MED27: variants seen among roughly 807,000 people sequenced by gnomAD.
MED27 encodes the protein mediator of RNA polymerase II transcription subunit 27.
A neutral mutation model predicts 38.2 loss-of-function variants in MED27; 30 were observed. The ratio of observed to expected loss-of-function variants is 0.79; its 90% CI spans 0.59 to 1.07. The LOEUF (loss-of-function observed/expected upper bound fraction) is 1.07. Ranked by LOEUF, MED27 falls within the 50% of genes least tolerant of loss-of-function variation. The pLI, the probability that MED27 is intolerant of heterozygous loss-of-function variation, is 0.00. For missense variants in MED27, 289 were observed against 397.5 expected (o/e 0.73, Z 2.32); for synonymous variants, 122 against 153.5 (o/e 0.79, Z 1.52).
At chr9:131,863,244 C>T (rs779742238) in intron 6 of MED27, 104 bp from the exon 7 acceptor site, 10 of 886,814 alleles carry the variant, frequency 1.1e-5, no homozygotes, top group Admixed American at 2.2e-5. Context: ...ATCTGAGTAT[C>T]TCGTGGAGGA....
intron 2 of MED27, among the ~76,000 whole-genome samples, chr9:132,054,189 C>T (rs371226825): frequency 1.8e-4 from 28 of 152,082 alleles, no homozygotes; most frequent in East Asian, 1.4e-3. Context: ...TTTGGGTGAG[C>T]GGGGCGGATC....
At chr9:132,062,487 G>C (rs189167191) in intron 2 of MED27, among the ~76,000 whole-genome samples, 97 of 152,384 alleles carry the variant, frequency 6.4e-4, no homozygotes, top group Non-Finnish European at 4.4e-5. Flanking sequence ...GGGCCAGCAG[G>C]TTGAGTATGG....
intron 3 of MED27, among the ~76,000 whole-genome samples, chr9:131,953,449 C>T (rs1290970227): frequency 6.6e-6 from 1 of 152,152 alleles, no homozygotes; most frequent in Non-Finnish European, 1.5e-5. Flanking sequence ...TATGGATGAA[C>T]ATTTTTCATT....
intron 3 of MED27, among the ~76,000 whole-genome samples, chr9:131,994,210 G>C (rs754676761): frequency 5.3e-5 from 8 of 152,058 alleles, no homozygotes; most frequent in Non-Finnish European, 8.8e-5. Context: ...ACATTGTTTT[G>C]CTTCAAGTCG....
intron 2 of MED27, among the ~76,000 whole-genome samples, chr9:132,039,114 C>G (rs1321148637): frequency 1.3e-5 from 2 of 152,212 alleles, no homozygotes; most frequent in Non-Finnish European, 2.9e-5. Flanking sequence ...ACCAAAATGA[C>G]TCCCAATGGA....
At chr9:132,012,031 T>C (rs1832497251) in intron 3 of MED27, among the ~76,000 whole-genome samples, 1 of 152,076 alleles carries the variant, frequency 6.6e-6, no homozygotes, top group African/African-American at 2.4e-5. Flanking sequence ...CACAATAGCA[T>C]GTCACCTGTA....
chr9:131,967,802 T>G (rs892573924), intron 3 of MED27, among the ~76,000 whole-genome samples: 1 of 149,044 alleles, frequency 6.7e-6, no homozygotes, highest in Non-Finnish European at 1.5e-5. Context: ...TGAGCCACTG[T>G]GCCCAGCCTC....
chr9:131,868,467 G>A, intron 6 of MED27: 1 of 585,610 alleles, frequency 1.7e-6, no homozygotes, highest in Non-Finnish European at 2.2e-6. Context: ...TGTAGAATCA[G>A]GGTCTCACTG....
intron 2 of MED27, among the ~76,000 whole-genome samples, chr9:132,050,811 C>T (rs1833448816): frequency 6.6e-6 from 1 of 152,182 alleles, no homozygotes; most frequent in African/African-American, 2.4e-5. Flanking sequence ...TCACTACCTG[C>T]CATTGCTTTT....
chr9:131,909,362 A>G (rs916216063), intron 4 of MED27, among the ~76,000 whole-genome samples: 1 of 152,200 alleles, frequency 6.6e-6, no homozygotes, highest in African/African-American at 2.4e-5. Context: ...AGGTAGCCTG[A>G]GTGAATCTCA....
At chr9:131,894,980 C>G (rs923084375) in intron 4 of MED27, among the ~76,000 whole-genome samples, 1 of 152,142 alleles carries the variant, frequency 6.6e-6, no homozygotes, top group Non-Finnish European at 1.5e-5. Flanking sequence ...GGCCTTCACA[C>G]GTGTCTGCCT....
At chr9:132,071,794 C>T (rs916046259) in intron 2 of MED27, among the ~76,000 whole-genome samples, 2 of 150,888 alleles carry the variant, frequency 1.3e-5, no homozygotes, top group Non-Finnish European at 3.0e-5. Context: ...AACGAGCACA[C>T]ATGCATACGA....
At chr9:132,038,293 G>A (rs1056136079) in intron 2 of MED27, among the ~76,000 whole-genome samples, 2 of 145,204 alleles carry the variant, frequency 1.4e-5, no homozygotes, top group South Asian at 2.2e-4. Flanking sequence ...CCGGGTTCAC[G>A]CCATTCTCCT....
At chr9:131,916,559 C>CTGTGT (rs1228284966) in intron 4 of MED27, among the ~76,000 whole-genome samples, 5 of 152,326 alleles carry the variant, frequency 3.3e-5, no homozygotes, top group African/African-American at 1.2e-4. Context: ...ATCAATACCA[C>CTGTGT]TGTTCTTCGA....
chr9:132,069,260 G>A (rs1833879904), intron 2 of MED27, among the ~76,000 whole-genome samples: 1 of 151,670 alleles, frequency 6.6e-6, no homozygotes, highest in Admixed American at 6.5e-5. Flanking sequence ...AGCCTCTGCA[G>A]CCTCCCTGGG....
At chr9:132,025,425 G>GC (rs1832797923) in intron 2 of MED27, among the ~76,000 whole-genome samples, 1 of 152,172 alleles carries the variant, frequency 6.6e-6, no homozygotes, top group Admixed American at 6.5e-5. Context: ...CAGGTGATCT[G>GC]CCCGCCTCGA....
intron 2 of MED27, among the ~76,000 whole-genome samples, chr9:132,024,814 G>A (rs11243599): frequency 0.051 from 7,740 of 152,214 alleles, 293 homozygotes; most frequent in Non-Finnish European, 0.072. Context: ...ATACTGTAGA[G>A]ATTGTTCTTT....
chr9:131,947,565 A>G (rs536398755), intron 3 of MED27, among the ~76,000 whole-genome samples: 33 of 152,352 alleles, frequency 2.2e-4, no homozygotes, highest in Non-Finnish European at 4.4e-4. Context: ...TTTGCAAAAC[A>G]TTAATTTTTT....
chr9:132,067,750 C>T (rs753830495), intron 2 of MED27, among the ~76,000 whole-genome samples: 6 of 152,124 alleles, frequency 3.9e-5, no homozygotes, highest in African/African-American at 7.2e-5. Context: ...CTTGCTCTGT[C>T]GCCCAGGCTG....
Sources: gnomAD v4.1 joint callset for allele counts (sites outside exome capture counted in the v4.1 genomes callset) on GRCh38, gnomAD v4.1.1 for gene constraint, MANE v1.5 for transcripts, NCBI Gene and HGNC (gene_info 2026-07-23, HGNC 2026-07-21) for gene names.